Variants in LINGO2 observed in about 807,000 individuals in gnomAD.
The protein encoded by LINGO2 is leucine-rich repeat and immunoglobulin-like domain-containing nogo receptor-interacting protein 2.
In LINGO2, 14 loss-of-function variants were observed where a neutral mutation model predicts 30.6. The ratio of observed to expected loss-of-function variants is 0.46; its 90% CI spans 0.30 to 0.72. The LOEUF (loss-of-function observed/expected upper bound fraction) is 0.72, where lower values mean the gene tolerates loss of function less well. Among genes scored for constraint, LINGO2 ranks in the 30% least tolerant of loss-of-function variants. The pLI is 0.07. For synonymous variants in LINGO2, 317 were observed against 288.5 expected, an observed-to-expected ratio of 1.10 and a Z score of -1.00; for missense variants, 729 against 751.7, an observed-to-expected ratio of 0.97 and a Z score of 0.35.
At chr9:28,806,032 A>G in the LINGO2 span, among the ~76,000 whole-genome samples, 5 of 152,308 alleles carry the variant, frequency 3.3e-5, no homozygotes, top group African/African-American at 4.8e-5. Flanking sequence ...ATGAAAATGT[A>G]TCTTCTTCCA....
chr9:28,494,628 T>G (rs895417470), intron 1 of LINGO2, among the ~76,000 whole-genome samples: 2 of 152,188 alleles, frequency 1.3e-5, no homozygotes, highest in South Asian at 2.1e-4. Context: ...TGATGGACAT[T>G]TGGGTTGGTT....
chr9:28,020,335 C>T (rs779573743), intron 4 of LINGO2, among the ~76,000 whole-genome samples: 3 of 152,096 alleles, frequency 2.0e-5, no homozygotes, highest in Non-Finnish European at 2.9e-5. Flanking sequence ...TTGTGACCAG[C>T]CTAACCAATA....
the LINGO2 span, among the ~76,000 whole-genome samples, chr9:28,733,800 T>A: frequency 1.3e-5 from 2 of 152,140 alleles, no homozygotes; most frequent in African/African-American, 4.8e-5. Flanking sequence ...TATTTCACCA[T>A]CTGCCCTTCA....
intron 1 of LINGO2, among the ~76,000 whole-genome samples, chr9:28,479,900 T>C (rs1300315457): frequency 1.6e-5 from 2 of 124,930 alleles, no homozygotes; most frequent in Non-Finnish European, 1.7e-5. Flanking sequence ...TGTATGTGTA[T>C]ATATACGTAG....
chr9:28,940,869 A>G, the LINGO2 span, among the ~76,000 whole-genome samples: 2 of 152,084 alleles, frequency 1.3e-5, no homozygotes, highest in Non-Finnish European at 2.9e-5. Flanking sequence ...ACACATCAAG[A>G]TTTTGAGGAG....
chr9:29,141,313 T>C, the LINGO2 span, among the ~76,000 whole-genome samples: 1 of 152,018 alleles, frequency 6.6e-6, no homozygotes, highest in Non-Finnish European at 1.5e-5. Context: ...GAGAAGTGAT[T>C]GTATGTGATT....
chr9:28,775,258 T>C, the LINGO2 span, among the ~76,000 whole-genome samples: 1 of 152,132 alleles, frequency 6.6e-6, no homozygotes, highest in Admixed American at 6.5e-5. Flanking sequence ...CTAAAGCTGC[T>C]CCCTACATTA....
In LINGO2 at chr9:28,148,369, C is replaced by T. The variant is rs947282068; in HGVS notation, c.-86-135964G>A. On this transcript the variant is annotated intron_variant, in intron 4 of 5. Coordinates refer to ENST00000379992, the Ensembl canonical transcript of LINGO2. The surrounding 1 kb of genome is among the most constrained non-coding windows in gnomAD (Gnocchi z 5.1). ...CCGTGAGGATTCCTCATCTCAGAGG[C>T]AAGTTTAACCTTCAACTTCCTTCAT... 3 of 1,088,670 alleles carry T rather than the reference C, an allele frequency of 2.8e-6. No homozygotes were observed. The highest frequency in any genetic ancestry group is 4.1e-6 in the Non-Finnish European group (3 of 739,056). The allele number at this position is 1,088,670 out of a possible 1,614,324, so 67.4% of individuals were successfully genotyped here.
At chr9:29,014,862 T>C in the LINGO2 span, among the ~76,000 whole-genome samples, 4 of 152,164 alleles carry the variant, frequency 2.6e-5, no homozygotes, top group African/African-American at 9.7e-5. Context: ...TCTTTTTATG[T>C]TGTTTTTCTA....
the LINGO2 span, among the ~76,000 whole-genome samples, chr9:29,155,385 C>A: frequency 1.3e-5 from 2 of 151,980 alleles, no homozygotes; most frequent in Admixed American, 6.5e-5. Flanking sequence ...CTTTTCTAGT[C>A]ATTTTTAAAA....
intron 1 of LINGO2, among the ~76,000 whole-genome samples, chr9:28,650,039 A>G (rs1036173542): frequency 2.0e-5 from 3 of 152,064 alleles, no homozygotes; most frequent in Middle Eastern, 3.4e-3. Context: ...GGCAGGGGAA[A>G]AAAAAAAACA....
At chr9:27,949,404 T>C in exon 6 of LINGO2, 2 of 1,614,118 alleles carry the variant, frequency 1.2e-6, no homozygotes, top group East Asian at 2.2e-5. Flanking sequence ...CTGCCCTTCA[T>C]CTACTAGCAG....
rs116424756 is a variant in LINGO2, at chr9:28,619,509, T to C, written c.-365+50691A>G. Among the ~76,000 whole-genome samples the C allele has an allele frequency of 2.5e-3, 376 of 152,282 alleles. 3 individuals are homozygous for C. The highest frequency in any genetic ancestry group is 8.6e-3 in the African/African-American group (359 of 41,572). On this transcript the variant is annotated intron_variant, in intron 1 of 5. Coordinates refer to ENST00000379992, the Ensembl canonical transcript of LINGO2. ...GAATAAGATACTGAATGTAATTAAT[T>C]TAGCACAATGATTTAGCAGGTGACT...
At chr9:29,197,987 A>AT in the LINGO2 span, among the ~76,000 whole-genome samples, 1 of 152,150 alleles carries the variant, frequency 6.6e-6, no homozygotes, top group Non-Finnish European at 1.5e-5. Context: ...TACCATATTG[A>AT]TTTTAAGAAA....
At chr9:28,422,724 T>C (rs746772385) in intron 2 of LINGO2, among the ~76,000 whole-genome samples, 25 of 152,102 alleles carry the variant, frequency 1.6e-4, no homozygotes, top group Non-Finnish European at 3.2e-4. Flanking sequence ...TGTATATCTA[T>C]GTTTATAGCA....
intron 5 of LINGO2, among the ~76,000 whole-genome samples, chr9:27,976,765 T>A (rs1820614033): frequency 1.3e-5 from 2 of 152,058 alleles, no homozygotes; most frequent in East Asian, 3.9e-4. Context: ...GGAAGGTGAT[T>A]AAGCTTTAAG....
chr9:29,075,392 T>A, the LINGO2 span, among the ~76,000 whole-genome samples: 1 of 152,126 alleles, frequency 6.6e-6, no homozygotes, highest in Non-Finnish European at 1.5e-5. Flanking sequence ...CCAAAATATA[T>A]CTCAGATGGA....
chr9:28,682,803 G>C, the LINGO2 span, among the ~76,000 whole-genome samples: 1 of 151,994 alleles, frequency 6.6e-6, no homozygotes, highest in South Asian at 2.1e-4. Context: ...AATTTATGCA[G>C]AGTTAAATAA....
chr9:29,042,831 A>C, the LINGO2 span, among the ~76,000 whole-genome samples: 1 of 152,038 alleles, frequency 6.6e-6, no homozygotes, highest in East Asian at 1.9e-4. Context: ...AACCCTAAAA[A>C]GTTACATAAC....
Sources: allele counts gnomAD v4.1 joint callset (sites outside exome capture counted in the v4.1 genomes callset), GRCh38; gene constraint gnomAD v4.1.1; non-coding constraint Gnocchi (gnomAD v3.1); transcripts MANE v1.5; gene names NCBI Gene and HGNC (gene_info 2026-07-23, HGNC 2026-07-21).